Variants in PRRX2 observed in about 807,000 individuals in gnomAD.
The protein encoded by PRRX2 is paired related homeobox 2.
PRRX2 carries 11 observed loss-of-function variants against 18.0 expected under a neutral mutation model. The observed-to-expected ratio is 0.61, with a 90% CI of 0.39 to 1.01. The LOEUF (loss-of-function observed/expected upper bound fraction) is 1.01, where lower values mean the gene tolerates loss of function less well. Among genes scored for constraint, PRRX2 ranks in the 50% least tolerant of loss-of-function variants. PRRX2 has a pLI of 0.01. For missense variants in PRRX2, 387 were observed against 351.0 expected, an observed-to-expected ratio of 1.10 and a Z score of -0.82; for synonymous variants, 177 against 154.8, an observed-to-expected ratio of 1.14 and a Z score of -1.06.
intron 1 of PRRX2, among the ~76,000 whole-genome samples, chr9:129,683,504 G>C (rs1832258934): frequency 6.6e-6 from 1 of 152,086 alleles, no homozygotes; most frequent in Non-Finnish European, 1.5e-5. Flanking sequence ...GGGAGGCCGA[G>C]GTGGGCGGAT....
At position 129,719,419 on chromosome 9, in the gene PRRX2, GTGAGCGC is replaced by G; in HGVS notation, c.447+3_447+9del. The G allele has an allele frequency of 6.6e-7, 1 of 1,525,724 alleles. No individual in the cohort carries two copies. Among genetic ancestry groups the G allele is most frequent in the Non-Finnish European group, 8.8e-7 (1 of 1,135,354 alleles). The allele number at this position is 1,525,724 out of a possible 1,614,324, so 94.5% of individuals were successfully genotyped here. A position where few individuals can be genotyped will look rare whatever the true frequency, so the allele number is the denominator to read the frequency against. ...CAACCTCAGCGAGGCGCGCGTTCAG[GTGAGCGC>G]TCAGTCCCGGGCCTCCCGTGGGAGC... is the stretch of plus-strand genomic sequence containing the variant. On this transcript the variant is annotated splice_donor_variant and splice_donor_5th_base_variant and intron_variant, in intron 2 of 3. Transcript: ENST00000372469. LOFTEE classifies it high-confidence loss of function.
chr9:129,671,051 C>T lies in PRRX2; in HGVS notation c.259+4925C>T, dbSNP rs915350603. ...TCACCACCTGAACAGTGGGAGATGG[C>T]GTACAAGGGTTGGGAGGCCCTCCCG... On this transcript the variant is annotated intron_variant, in intron 1 of 3. Coordinates refer to ENST00000372469, the MANE Select transcript of PRRX2 (RefSeq NM_016307.4). This position sits in a 1 kb window ranked among gnomAD's most constrained non-coding sequence, Gnocchi z 4.0. Among the ~76,000 whole-genome samples the T allele has an allele frequency of 2.0e-5, 3 of 152,190 alleles. No homozygotes were observed. Among genetic ancestry groups the T allele is most frequent in the South Asian group, 2.1e-4 (1 of 4,834 alleles).
At chr9:129,678,359 T>C (rs956739073) in intron 1 of PRRX2, among the ~76,000 whole-genome samples, 15 of 152,158 alleles carry the variant, frequency 9.9e-5, no homozygotes, top group African/African-American at 3.6e-4. Context: ...ACAAATATTG[T>C]TGAGCACCTA....
chr9:129,720,255 C>T (rs1310389949), intron 2 of PRRX2, among the ~76,000 whole-genome samples: 3 of 149,580 alleles, frequency 2.0e-5, no homozygotes, highest in South Asian at 2.1e-4. Flanking sequence ...CCTCTCCCCC[C>T]GAGTGCTCAG....
intron 1 of PRRX2, among the ~76,000 whole-genome samples, chr9:129,679,023 C>T (rs1230638762): frequency 6.6e-6 from 1 of 152,216 alleles, no homozygotes; most frequent in Non-Finnish European, 1.5e-5. Context: ...CCATTTAGAG[C>T]CAGAGGTGGG....
chr9:129,721,824 G>A lies in PRRX2; in HGVS notation c.627-393G>A, dbSNP rs185417727. On this transcript the variant is annotated intron_variant, in intron 3 of 3. Coordinates refer to ENST00000372469, the MANE Select transcript of PRRX2 (RefSeq NM_016307.4). ...TCGAACTCCTGATCTCAGGTGATCC[G>A]TCCACTTCGGCCTCCCAAAGTGTTG... 2.7e-4 allele frequency among the ~76,000 whole-genome samples: 41 copies of A among 152,110 alleles called. No individual in the cohort carries two copies. The East Asian group carries it at 6.2e-3, about 23-fold the overall frequency.
rs1269794416 is a variant in PRRX2, at chr9:129,719,325, G to A, written c.354G>A (p.Ala118=). The change falls in exon 2 of 4, where the codon GCG becomes GCA. Residue 118 remains alanine, a synonymous_variant. Coordinates refer to ENST00000372469, the MANE Select transcript of PRRX2 (RefSeq NM_016307.4). The stretch of plus-strand genomic sequence containing the variant: ...CGTTCAACAGCAGCCAACTGCAGGC[G>A]CTGGAGCGCGTGTTCGAGCGCACGC... ...RTTFNSSQLQ[A]LERVFERTHY... The A allele has an allele frequency of 2.5e-6, 4 of 1,606,932 alleles. No individual in the cohort carries two copies. Among genetic ancestry groups the A allele is most frequent in the Non-Finnish European group, 3.4e-6 (4 of 1,177,250 alleles).
chr9:129,672,151 T>G (rs1313913368), intron 1 of PRRX2, among the ~76,000 whole-genome samples: 1 of 152,044 alleles, frequency 6.6e-6, no homozygotes, highest in Admixed American at 6.5e-5. Flanking sequence ...TGGGGGTGAT[T>G]TAAGGGGACC....
chr9:129,670,036 GTC>G (rs1832080307), intron 1 of PRRX2, among the ~76,000 whole-genome samples: 1 of 145,136 alleles, frequency 6.9e-6, no homozygotes, highest in African/African-American at 2.5e-5. Flanking sequence ...TCTGCTTCCT[GTC>G]TCTGTGGATT....
intron 1 of PRRX2, among the ~76,000 whole-genome samples, chr9:129,697,386 C>A (rs1236047328): frequency 6.6e-6 from 1 of 151,768 alleles, no homozygotes; most frequent in Non-Finnish European, 1.5e-5. Flanking sequence ...AGCAGCTGGG[C>A]GGCGGCGGCG....
intron 1 of PRRX2, among the ~76,000 whole-genome samples, chr9:129,684,756 A>G (rs1832283236): frequency 6.6e-6 from 1 of 152,144 alleles, no homozygotes; most frequent in African/African-American, 2.4e-5. Flanking sequence ...CACGTTTATA[A>G]AGGAAGAGTT....
At chr9:129,705,932 C>G (rs1300210265) in intron 1 of PRRX2, among the ~76,000 whole-genome samples, 1 of 151,814 alleles carries the variant, frequency 6.6e-6, no homozygotes, top group African/African-American at 2.4e-5. Context: ...AACCCAGAGG[C>G]CCCTGACCTC....
At chr9:129,714,013 G>A (rs1453790040) in intron 1 of PRRX2, among the ~76,000 whole-genome samples, 1 of 151,056 alleles carries the variant, frequency 6.6e-6, no homozygotes, top group East Asian at 2.0e-4. Flanking sequence ...GTTTCCGTGT[G>A]TGTAAAATGA....
intron 1 of PRRX2, among the ~76,000 whole-genome samples, chr9:129,685,742 G>A (rs1261971103): frequency 6.6e-6 from 1 of 152,208 alleles, no homozygotes; most frequent in African/African-American, 2.4e-5. Context: ...TAGGTATTAT[G>A]CACCCAAAGA....
In PRRX2 at chr9:129,675,094, G is replaced by A. The variant is rs1019464113; in HGVS notation, c.259+8968G>A. Among the ~76,000 whole-genome samples, 4 of 152,166 alleles carry A rather than the reference G, an allele frequency of 2.6e-5. No homozygotes were observed. Among genetic ancestry groups the A allele is most frequent in the African/African-American group, 4.8e-5 (2 of 41,442 alleles). ...GTCCTCTCGAGGGGACAGAGAGGCC[G>A]GGCAGAGCTGCCGCAGGATGCATAA... On this transcript the variant is annotated intron_variant, in intron 1 of 3. Transcript: ENST00000372469. The surrounding 1 kb of genome is among the most constrained non-coding windows in gnomAD (Gnocchi z 4.4).
At chr9:129,708,804 G>A (rs896442177) in intron 1 of PRRX2, among the ~76,000 whole-genome samples, 1 of 152,156 alleles carries the variant, frequency 6.6e-6, no homozygotes, top group Admixed American at 6.5e-5. Context: ...GGAGTGAGCC[G>A]CTCCTTCATT....
intron 1 of PRRX2, among the ~76,000 whole-genome samples, chr9:129,673,725 A>T (rs1832129319): frequency 6.6e-6 from 1 of 152,000 alleles, no homozygotes. Flanking sequence ...CGGCCCCCTG[A>T]TGGAGCCCTG....
intron 1 of PRRX2, among the ~76,000 whole-genome samples, chr9:129,684,228 T>G (rs1022298339): frequency 3.3e-5 from 5 of 152,102 alleles, no homozygotes; most frequent in Non-Finnish European, 5.9e-5. Flanking sequence ...CTGTCACCTA[T>G]GATGGGTAGA....
intron 1 of PRRX2, among the ~76,000 whole-genome samples, chr9:129,666,861 T>G (rs1300772789): frequency 6.6e-6 from 1 of 152,124 alleles, no homozygotes. Flanking sequence ...ACACTAAGGA[T>G]GGGGGCCCGG....
Sources: allele counts gnomAD v4.1 joint callset (sites outside exome capture counted in the v4.1 genomes callset), GRCh38; gene constraint gnomAD v4.1.1; non-coding constraint Gnocchi (gnomAD v3.1); transcripts MANE v1.5; gene names NCBI Gene and HGNC (gene_info 2026-07-23, HGNC 2026-07-21).